CNTNAP2: variants seen among roughly 807,000 people sequenced by gnomAD.
CNTNAP2 encodes the protein contactin associated protein 2.
In CNTNAP2, 98 loss-of-function variants were observed where a neutral mutation model predicts 155.2. The observed-to-expected ratio is 0.63, with a 90% CI of 0.54 to 0.75. CNTNAP2 has a LOEUF of 0.75. Among genes scored for constraint, CNTNAP2 ranks in the 30% least tolerant of loss-of-function variants. CNTNAP2 has a pLI of 0.00. For synonymous variants in CNTNAP2, 651 were observed against 631.2 expected, an observed-to-expected ratio of 1.03 and a Z score of -0.47; for missense variants, 1,727 against 1,688.1, an observed-to-expected ratio of 1.02 and a Z score of -0.40.
chr7:146,158,562 C>G (rs1211101331), intron 1 of CNTNAP2, among the ~76,000 whole-genome samples: 1 of 152,088 alleles, frequency 6.6e-6, no homozygotes, highest in African/African-American at 2.4e-5. Flanking sequence ...CCTGATGAAG[C>G]TGAAAACCAC....
chr7:147,398,589 CTTTTT>C (rs58507416), intron 10 of CNTNAP2, among the ~76,000 whole-genome samples: 3 of 87,734 alleles, frequency 3.4e-5, no homozygotes, highest in East Asian at 3.4e-4. Context: ...ACGATTTGAA[CTTTTT>C]TTTTTTTTTT....
At chr7:147,463,546 T>C (rs940472536) in intron 10 of CNTNAP2, among the ~76,000 whole-genome samples, 6 of 152,212 alleles carry the variant, frequency 3.9e-5, no homozygotes, top group Non-Finnish European at 5.9e-5. Context: ...ATGTACCTAT[T>C]AATCCAATAT....
chr7:147,728,689 C>T (rs1368809486), intron 13 of CNTNAP2, among the ~76,000 whole-genome samples: 2 of 151,970 alleles, frequency 1.3e-5, no homozygotes, highest in Non-Finnish European at 2.9e-5. Flanking sequence ...AATCAATTTC[C>T]TTCTGCAAGT....
intron 1 of CNTNAP2, among the ~76,000 whole-genome samples, chr7:146,119,295 G>A (rs1366202149): frequency 6.6e-6 from 1 of 151,950 alleles, no homozygotes; most frequent in African/African-American, 2.4e-5. Context: ...TTTAATATGA[G>A]GGACAGAAGA....
chr7:146,930,618 C>G (rs1796729170), intron 3 of CNTNAP2, among the ~76,000 whole-genome samples: 2 of 152,128 alleles, frequency 1.3e-5, no homozygotes, highest in African/African-American at 4.8e-5. Flanking sequence ...ACTAAATTCT[C>G]CAATTAAAAG....
chr7:146,370,464 C>T (rs896954635), intron 1 of CNTNAP2, among the ~76,000 whole-genome samples: 26 of 150,994 alleles, frequency 1.7e-4, no homozygotes, highest in African/African-American at 6.1e-4. Context: ...AAAAAAAAAA[C>T]ATTTTTCCTT....
At chr7:146,834,400 A>G (rs192593229) in intron 2 of CNTNAP2, among the ~76,000 whole-genome samples, 31 of 152,298 alleles carry the variant, frequency 2.0e-4, no homozygotes, top group Admixed American at 2.0e-3. Context: ...TCTTTACAGC[A>G]TACGTGTGCT....
At chr7:147,606,226 G>A (rs546450671) in intron 12 of CNTNAP2, among the ~76,000 whole-genome samples, 1 of 152,194 alleles carries the variant, frequency 6.6e-6, no homozygotes, top group African/African-American at 2.4e-5. Flanking sequence ...AATGTTTTAG[G>A]CTACAGAAAT....
intron 1 of CNTNAP2, among the ~76,000 whole-genome samples, chr7:146,728,368 G>A (rs1192666802): frequency 6.6e-6 from 1 of 152,140 alleles, no homozygotes; most frequent in Non-Finnish European, 1.5e-5. Flanking sequence ...ACCCTTATCA[G>A]ATATGCAATG....
At chr7:148,287,766 T>TCTC (rs1797107541) in intron 21 of CNTNAP2, among the ~76,000 whole-genome samples, 3 of 150,826 alleles carry the variant, frequency 2.0e-5, no homozygotes, top group African/African-American at 7.3e-5. Context: ...AACTCAGGTC[T>TCTC]CTCTTCCTCT....
chr7:146,659,897 G>C (rs1800058324), intron 1 of CNTNAP2, among the ~76,000 whole-genome samples: 1 of 152,150 alleles, frequency 6.6e-6, no homozygotes, highest in African/African-American at 2.4e-5. Flanking sequence ...ACAGATGTTG[G>C]CACAGTGCTG....
chr7:147,864,510 A>G (rs1300368571), intron 13 of CNTNAP2, among the ~76,000 whole-genome samples: 2 of 151,252 alleles, frequency 1.3e-5, no homozygotes, highest in East Asian at 3.9e-4. Flanking sequence ...TCTGTAAATT[A>G]CCTTGGGCAG....
chr7:147,804,118 T>C (rs1046066151), intron 13 of CNTNAP2, among the ~76,000 whole-genome samples: 23 of 152,242 alleles, frequency 1.5e-4, no homozygotes, highest in African/African-American at 5.5e-4. Flanking sequence ...TAGTTCCAGA[T>C]GGTGCATCTA....
chr7:146,129,996 C>A (rs1260423278), intron 1 of CNTNAP2, among the ~76,000 whole-genome samples: 2 of 152,292 alleles, frequency 1.3e-5, no homozygotes, highest in East Asian at 3.9e-4. Flanking sequence ...AGAGGACAAC[C>A]TCACAATTCC....
chr7:146,935,080 C>G (rs1003134468), intron 3 of CNTNAP2, among the ~76,000 whole-genome samples: 4 of 152,230 alleles, frequency 2.6e-5, no homozygotes, highest in Admixed American at 1.3e-4. Flanking sequence ...CGTCCCTCCA[C>G]ATTCTTGGAA....
chr7:146,944,803 A>G (rs533609616), intron 3 of CNTNAP2, among the ~76,000 whole-genome samples: 6 of 152,042 alleles, frequency 3.9e-5, no homozygotes, highest in African/African-American at 1.2e-4. Flanking sequence ...GCGTGAACCC[A>G]GGAGGCGGAG....
intron 21 of CNTNAP2, among the ~76,000 whole-genome samples, chr7:148,276,178 G>T (rs545961792): frequency 3.9e-5 from 6 of 152,258 alleles, no homozygotes; most frequent in Admixed American, 2.0e-4. Context: ...ATAGGACTAC[G>T]CAGTTGTATG....
chr7:147,342,283 A>G (rs554249415), intron 9 of CNTNAP2, among the ~76,000 whole-genome samples: 6 of 152,324 alleles, frequency 3.9e-5, no homozygotes, highest in South Asian at 2.1e-4. Context: ...TTGCTAACTT[A>G]TAAGGCTTCT....
chr7:147,049,085 G>C (rs909462283), intron 4 of CNTNAP2, among the ~76,000 whole-genome samples: 1 of 152,146 alleles, frequency 6.6e-6, no homozygotes, highest in East Asian at 1.9e-4. Context: ...ATCTGGCGAA[G>C]GCCTTCTTTT....
Sources: allele counts gnomAD v4.1 joint callset (sites outside exome capture counted in the v4.1 genomes callset), GRCh38; gene constraint gnomAD v4.1.1; transcripts MANE v1.5; gene names NCBI Gene and HGNC (gene_info 2026-07-23, HGNC 2026-07-21).